GUCY1B1: variants seen among roughly 807,000 people sequenced by gnomAD.
GUCY1B1 encodes the protein guanylate cyclase 1 soluble subunit beta 1.
GUCY1B1 carries 43 observed loss-of-function variants against 71.0 expected under a neutral mutation model. The ratio of observed to expected loss-of-function variants is 0.61; its 90% CI spans 0.47 to 0.78. The LOEUF (loss-of-function observed/expected upper bound fraction) is 0.78, where lower values mean the gene tolerates loss of function less well. Ranked by LOEUF, GUCY1B1 falls within the 30% of genes least tolerant of loss-of-function variation. The probability of loss-of-function intolerance (pLI) is 0.00; values close to 1 mark genes in which losing one functional copy is unlikely to be tolerated. For missense variants in GUCY1B1, 535 were observed against 754.1 expected, an observed-to-expected ratio of 0.71 and a Z score of 3.40; for synonymous variants, 266 against 259.7, an observed-to-expected ratio of 1.02 and a Z score of -0.23.
chr4:155,776,398 A>T (rs1462311883), intron 3 of GUCY1B1, among the ~76,000 whole-genome samples: 1 of 152,222 alleles, frequency 6.6e-6, no homozygotes, highest in Non-Finnish European at 1.5e-5. Flanking sequence ...GTTGAATAAG[A>T]TAGCAATTAA....
At position 155,794,730 on chromosome 4, in the gene GUCY1B1, T is replaced by C. The variant is rs17033543; in HGVS notation, c.727-611T>C. Among the ~76,000 whole-genome samples, 996 of 152,326 alleles carry C rather than the reference T, an allele frequency of 6.5e-3. 25 individuals are homozygous for C. In the East Asian group the frequency reaches 0.094, roughly 14 times the overall value. Reference sequence around the variant, plus strand: ...ACTTGAAAATTCAGGATTAGCCCAGTTGGATCAGGTGAAATGGAAGCAGAG... The same window carrying C: ...ACTTGAAAATTCAGGATTAGCCCAGCTGGATCAGGTGAAATGGAAGCAGAG... On this transcript the variant is annotated intron_variant, in intron 6 of 13. Transcript: ENST00000264424.
chr4:155,798,395 C>A (rs1267387001), intron 8 of GUCY1B1, among the ~76,000 whole-genome samples: 1 of 152,138 alleles, frequency 6.6e-6, no homozygotes, highest in Non-Finnish European at 1.5e-5. Flanking sequence ...AACGTACAAT[C>A]ATGTTTTTTC....
rs576277430 is a variant in GUCY1B1, at chr4:155,775,178, A to G, written c.178+110A>G. On this transcript the variant is annotated intron_variant, in intron 3 of 13. Transcript: ENST00000264424. ...TACAGAAGTGGTGCAGAGCATTTGTACAACCTGCATAGTTGTGTGGTGGGC... is the reference window on the plus strand; with the variant it reads ...TACAGAAGTGGTGCAGAGCATTTGTGCAACCTGCATAGTTGTGTGGTGGGC... 1,144 of 720,572 alleles carry G rather than the reference A, an allele frequency of 1.6e-3. 22 individuals are homozygous for G. The highest frequency in any genetic ancestry group is 0.016 in the South Asian group (1,038 of 66,048). 44.6% of individuals were successfully genotyped at this position (720,572 alleles called of 1,614,324 possible). A position where few individuals can be genotyped will look rare whatever the true frequency, so the allele number is the denominator to read the frequency against.
intron 4 of GUCY1B1, among the ~76,000 whole-genome samples, chr4:155,786,030 G>T (rs1328979606): frequency 6.6e-6 from 1 of 152,044 alleles, no homozygotes; most frequent in Non-Finnish European, 1.5e-5. Flanking sequence ...TGACTTGGAT[G>T]ATTGTGTCCA....
chr4:155,791,469 G>T (rs1375112540), intron 5 of GUCY1B1, among the ~76,000 whole-genome samples: 1 of 145,644 alleles, frequency 6.9e-6, no homozygotes, highest in African/African-American at 2.5e-5. Flanking sequence ...AGTGGCTCAC[G>T]CCTGTAATCC....
chr4:155,774,614 T>C (rs1459851), intron 2 of GUCY1B1, among the ~76,000 whole-genome samples: 32,706 of 152,144 alleles, frequency 0.21, 3,647 homozygotes, highest in Middle Eastern at 0.27. Flanking sequence ...CCCAGAACAA[T>C]GTCTGGCACC....
intron 4 of GUCY1B1, among the ~76,000 whole-genome samples, chr4:155,788,030 A>G (rs753854765): frequency 4.6e-5 from 7 of 152,162 alleles, no homozygotes; most frequent in Non-Finnish European, 7.4e-5. Flanking sequence ...ATAGATTACT[A>G]CTTGCTTGGT....
At position 155,777,495 on chromosome 4, in the gene GUCY1B1, T is replaced by C. The variant is rs375469726; in HGVS notation, c.179-29T>C. ...AACAATATTTCACCTATTATATGCT[T>C]TTTTTCCCCTCTTGAATTTGTAAAA... On this transcript the variant is annotated intron_variant, in intron 3 of 13. Transcript: ENST00000264424. The C allele has an allele frequency of 7.9e-6, 9 of 1,143,860 alleles. No individual in the cohort carries two copies. The African/African-American group carries it at 9.1e-5, about 12-fold the overall frequency. The allele number at this position is 1,143,860 out of a possible 1,614,324, so 70.9% of individuals were successfully genotyped here. A position where few individuals can be genotyped will look rare whatever the true frequency, so the allele number is the denominator to read the frequency against.
intron 11 of GUCY1B1, 145 bp from the exon 12 acceptor site, chr4:155,804,448 G>A (rs1341066989): frequency 1.3e-5 from 8 of 630,150 alleles, no homozygotes; most frequent in Non-Finnish European, 1.7e-5. Context: ...GTTGATAGGT[G>A]CAGCAAACCA....
intron 7 of GUCY1B1, 96 bp downstream of exon 7, chr4:155,795,553 G>C (rs1331198313): frequency 1.6e-6 from 1 of 626,576 alleles, no homozygotes; most frequent in Non-Finnish European, 2.8e-6. Flanking sequence ...AGAAAGTATA[G>C]AGAGATAAAA....
chr4:155,776,140 GA>G (rs1193658866), intron 3 of GUCY1B1, among the ~76,000 whole-genome samples: 1 of 152,106 alleles, frequency 6.6e-6, no homozygotes, highest in Admixed American at 6.5e-5. Context: ...CAGTTAATGG[GA>G]AATCACATAC....
chr4:155,790,049 C>T, intron 5 of GUCY1B1, 138 bp downstream of exon 5: 3 of 593,764 alleles, frequency 5.1e-6, no homozygotes, highest in Non-Finnish European at 8.8e-6. Context: ...AGTGGAAAGA[C>T]CAGCAATCTT....
intron 2 of GUCY1B1, 115 bp from the exon 3 acceptor site, chr4:155,774,853 A>G: frequency 1.4e-6 from 1 of 699,378 alleles, no homozygotes; most frequent in Non-Finnish European, 2.5e-6. Context: ...TTTGCCCAAA[A>G]AAACCAAATT....
At chr4:155,789,608 C>CTATG in intron 4 of GUCY1B1, 106 bp from the exon 5 acceptor site, 2 of 632,744 alleles carry the variant, frequency 3.2e-6, no homozygotes, top group South Asian at 4.3e-5. Flanking sequence ...CTTCGCTGAT[C>CTATG]TGCCCACTAG....
chr4:155,780,983 G>A (rs1050370989), intron 4 of GUCY1B1, among the ~76,000 whole-genome samples: 3 of 152,156 alleles, frequency 2.0e-5, no homozygotes, highest in African/African-American at 7.2e-5. Context: ...CCTTAGCTGA[G>A]CAACTCTGAC....
chr4:155,789,950 A>G (rs1167989191), intron 5 of GUCY1B1, 39 bp downstream of exon 5: 2 of 1,284,368 alleles, frequency 1.6e-6, no homozygotes, highest in East Asian at 2.3e-5. Context: ...CACAGATGAC[A>G]TCTAAAAATA....
At chr4:155,762,422 T>A (rs889753783) in intron 2 of GUCY1B1, among the ~76,000 whole-genome samples, 6 of 152,214 alleles carry the variant, frequency 3.9e-5, no homozygotes, top group African/African-American at 1.4e-4. Context: ...CAAATTTACA[T>A]TATACTTTTT....
intron 8 of GUCY1B1, 142 bp downstream of exon 8, chr4:155,796,652 A>T (rs904484927): frequency 1.7e-6 from 1 of 599,090 alleles, no homozygotes; most frequent in Admixed American, 3.3e-5. Flanking sequence ...GTATTACTTT[A>T]TAACAAGGAT....
At chr4:155,782,366 G>C (rs1272453318) in intron 4 of GUCY1B1, among the ~76,000 whole-genome samples, 1 of 152,204 alleles carries the variant, frequency 6.6e-6, no homozygotes, top group Admixed American at 6.5e-5. Context: ...TGGGATTACA[G>C]GCATGGGCCA....
Sources: allele counts gnomAD v4.1 joint callset (sites outside exome capture counted in the v4.1 genomes callset), GRCh38; gene constraint gnomAD v4.1.1; transcripts MANE v1.5; gene names NCBI Gene and HGNC (gene_info 2026-07-23, HGNC 2026-07-21).